Variants in SLC5A11 observed in about 807,000 individuals in gnomAD.
SLC5A11 encodes the protein sodium/myo-inositol cotransporter 2.
Under a neutral mutation model 69.8 loss-of-function variants are expected in SLC5A11, and 48 were observed. That is an observed-to-expected ratio of 0.69 (90% confidence interval 0.55 to 0.87). The LOEUF is 0.87. SLC5A11 is among the 40% of genes least tolerant of loss of function. The pLI is 0.00. For missense variants in SLC5A11, 784 were observed against 866.1 expected (o/e 0.91, Z 1.19); for synonymous variants, 319 against 342.4 (o/e 0.93, Z 0.75).
chr16:24,890,335 T>C (rs2048689706), intron 8 of SLC5A11, among the ~76,000 whole-genome samples: 1 of 151,454 alleles, frequency 6.6e-6, no homozygotes, highest in Admixed American at 6.6e-5. Context: ...AGTACAAAAA[T>C]TGGCCAGGCA....
chr16:24,911,292 C>T, intron 15 of SLC5A11, 36 bp from the exon 17 acceptor site: 1 of 1,606,108 alleles, frequency 6.2e-7, no homozygotes, highest in Non-Finnish European at 8.5e-7. Flanking sequence ...AGATACAGAC[C>T]ACCTCTACGG....
rs58974070 is a variant in SLC5A11 at position 24,848,741 on chromosome 16, T to C, written c.-25+2303T>C. On this transcript the variant is annotated intron_variant, in intron 1 of 15. Coordinates refer to ENST00000347898, the Ensembl canonical transcript of SLC5A11. ...GCCACAGTGAGCTCTGATGGCACCA[T>C]TGCACTGCGGCTTGGTCAAGGGAAC... is the stretch of plus-strand genomic sequence containing the variant. Among the ~76,000 whole-genome samples, 319 of 152,216 alleles carry C rather than the reference T, an allele frequency of 2.1e-3. 2 individuals are homozygous for C. The highest frequency in any genetic ancestry group is 7.2e-3 in the African/African-American group (299 of 41,542).
intron 10 of SLC5A11, among the ~76,000 whole-genome samples, chr16:24,900,460 C>T (rs886571327): frequency 6.6e-6 from 1 of 152,162 alleles, no homozygotes; most frequent in Non-Finnish European, 1.5e-5. Context: ...GTTCCTCCAG[C>T]CCTGGTGGGA....
At chr16:24,902,876 A>G (rs1044511686) in intron 10 of SLC5A11, among the ~76,000 whole-genome samples, 3 of 152,248 alleles carry the variant, frequency 2.0e-5, no homozygotes, top group African/African-American at 7.2e-5. Flanking sequence ...ACCATGTTCC[A>G]TGAACCTAGG....
At chr16:24,872,296 C>T in intron 5 of SLC5A11, 77 bp downstream of exon 6, 1 of 1,505,912 alleles carries the variant, frequency 6.6e-7, no homozygotes, top group East Asian at 2.3e-5. Context: ...CCTCCCTCAT[C>T]CCGCCATCCC....
chr16:24,875,410 C>T (rs2047604143), intron 5 of SLC5A11, among the ~76,000 whole-genome samples: 1 of 152,156 alleles, frequency 6.6e-6, no homozygotes, highest in African/African-American at 2.4e-5. Context: ...TCTCAAACTG[C>T]ACTCAAGTGA....
In SLC5A11 at chr16:24,908,929, C is replaced by T. The variant is rs1567706990; in HGVS notation, c.1483C>T (p.Leu495=). The stretch of plus-strand genomic sequence containing the variant: ...GGGCCTGCTCCTGGGCTTGGTTAGG[C>T]TGGTCCTGGACTTTATTTACGTGCA... Residue 495 remains leucine (L), a synonymous_variant, in exon 14 of 16, where the codon CTG becomes TTG. Transcript: ENST00000347898. The T allele has an allele frequency of 5.0e-6, 8 of 1,613,914 alleles. No homozygotes were observed. In the Admixed American group the frequency reaches 8.3e-5, roughly 17 times the overall value.
At chr16:24,860,533 C>T (rs991460005) in intron 2 of SLC5A11, among the ~76,000 whole-genome samples, 2 of 152,098 alleles carry the variant, frequency 1.3e-5, no homozygotes, top group Non-Finnish European at 2.9e-5. Context: ...AGCAGAAATG[C>T]GTATATTAAA....
chr16:24,908,087 G>A, exon 13 of SLC5A11: 1 of 1,608,192 alleles, frequency 6.2e-7, no homozygotes. Flanking sequence ...GCCTGTGGCG[G>A]TGGTCTTCAT....
rs556604491 is a variant in SLC5A11 at position 24,899,931 on chromosome 16, T to G, written c.1006+1822T>G. Reference sequence around the variant, plus strand: ...GTTGCCCAGGCTAGTCTTGAACTCCTGGGCTCAAGCAGTCCACCCACTTCA... The same window carrying G: ...GTTGCCCAGGCTAGTCTTGAACTCCGGGGCTCAAGCAGTCCACCCACTTCA... On this transcript the variant is annotated intron_variant, in intron 10 of 15. Transcript: ENST00000347898. Among the ~76,000 whole-genome samples the G allele has an allele frequency of 2.0e-5, 3 of 152,244 alleles. No homozygotes were observed. In the South Asian group the frequency reaches 6.2e-4, roughly 32 times the overall value.
intron 1 of SLC5A11, among the ~76,000 whole-genome samples, chr16:24,852,723 T>C (rs2152214330): frequency 6.6e-6 from 1 of 152,348 alleles, no homozygotes; most frequent in South Asian, 2.1e-4. Flanking sequence ...GGGCCAAGTC[T>C]ACGCTTCTCA....
At chr16:24,863,370 G>A (rs2046722788) in intron 3 of SLC5A11, among the ~76,000 whole-genome samples, 1 of 151,956 alleles carries the variant, frequency 6.6e-6, no homozygotes. Flanking sequence ...TCATCATTCA[G>A]TGGCCTAGCC....
chr16:24,898,605 G>A (rs1431433701), intron 10 of SLC5A11, among the ~76,000 whole-genome samples: 1 of 148,808 alleles, frequency 6.7e-6, no homozygotes, highest in African/African-American at 2.5e-5. Context: ...TGCAAGCTCT[G>A]CCTCCTGGGT....
intron 10 of SLC5A11, among the ~76,000 whole-genome samples, chr16:24,901,933 C>T (rs11644410): frequency 2.4e-5 from 1 of 40,852 alleles, no homozygotes; most frequent in Non-Finnish European, 6.5e-5. Flanking sequence ...AAAAAAAATA[C>T]ACACACACAC....
intron 3 of SLC5A11, among the ~76,000 whole-genome samples, chr16:24,867,273 A>G (rs1011576693): frequency 3.3e-5 from 5 of 152,174 alleles, no homozygotes; most frequent in African/African-American, 9.6e-5. Flanking sequence ...TAAATAACCA[A>G]TGGGCCAAAG....
chr16:24,869,853 G>T lies in SLC5A11; in HGVS notation c.208-48G>T, dbSNP rs201530362. 4,690 of 1,369,102 alleles carry T rather than the reference G, an allele frequency of 3.4e-3. 19 individuals are homozygous for T. The highest frequency in any genetic ancestry group is 4.4e-3 in the Non-Finnish European group (4,218 of 959,354). 84.8% of individuals were successfully genotyped at this position (1,369,102 alleles called of 1,614,324 possible). A position where few individuals can be genotyped will look rare whatever the true frequency, so the allele number is the denominator to read the frequency against. The stretch of plus-strand genomic sequence containing the variant: ...GGAAATAATTGGGGGTGGGGAGCAG[G>T]TACCCTTGACTTTGTCTCCAAGATC... On this transcript the variant is annotated intron_variant, in intron 3 of 15. Transcript: ENST00000347898.
chr16:24,901,946 A>ACACACACACGCG (rs2049637930), intron 10 of SLC5A11, among the ~76,000 whole-genome samples: 1 of 127,734 alleles, frequency 7.8e-6, no homozygotes, highest in African/African-American at 3.2e-5. Flanking sequence ...ACACACACAC[A>ACACACACACGCG]CACACACACA....
At chr16:24,910,410 A>G (rs927005342) in exon 15 of SLC5A11, 1 of 1,614,204 alleles carries the variant, frequency 6.2e-7, no homozygotes, top group Non-Finnish European at 8.5e-7. Flanking sequence ...ACGGGATGCC[A>G]GAGGCCAGCA....
At chr16:24,898,948 C>A (rs1280868319) in intron 10 of SLC5A11, among the ~76,000 whole-genome samples, 7 of 152,104 alleles carry the variant, frequency 4.6e-5, no homozygotes, top group Non-Finnish European at 1.0e-4. Flanking sequence ...TCCCAAGTAG[C>A]TGAGACTACA....
Sources: gnomAD v4.1 joint callset for allele counts (sites outside exome capture counted in the v4.1 genomes callset) on GRCh38, gnomAD v4.1.1 for gene constraint, MANE v1.5 for transcripts, NCBI Gene and HGNC (gene_info 2026-07-23, HGNC 2026-07-21) for gene names.